The following ARID5B variants were observed in gnomAD, a reference collection of about 807,000 sequenced individuals.
ARID5B encodes the protein AT-rich interaction domain 5B, also known as AT-rich interactive domain-containing protein 5B.
In ARID5B, 13 loss-of-function variants were observed where a neutral mutation model predicts 97.2. The ratio of observed to expected loss-of-function variants is 0.13; its 90% confidence interval spans 0.09 to 0.21. The LOEUF (loss-of-function observed/expected upper bound fraction) is 0.21, where lower values mean the gene tolerates loss of function less well. Ranked by LOEUF, ARID5B falls within the 10% of genes least tolerant of loss-of-function variation. ARID5B has a pLI of 1.00. For synonymous variants in ARID5B, 556 were observed against 570.3 expected, an observed-to-expected ratio of 0.97 and a Z score of 0.36; for missense variants, 1,210 against 1,465.3, an observed-to-expected ratio of 0.83 and a Z score of 2.84.
At chr10:61,957,220 C>T (rs1838402737) in intron 3 of ARID5B, among the ~76,000 whole-genome samples, 1 of 152,120 alleles carries the variant, frequency 6.6e-6, no homozygotes, top group Non-Finnish European at 1.5e-5. Flanking sequence ...AAATAAAAAA[C>T]TGAAGCAGTA....
intron 3 of ARID5B, among the ~76,000 whole-genome samples, chr10:61,997,598 A>C (rs1403700561): frequency 6.6e-6 from 1 of 152,222 alleles, no homozygotes; most frequent in Non-Finnish European, 1.5e-5. Context: ...TGCACAACCA[A>C]GATAGAATTT....
chr10:62,072,516 A>C (rs1250097188), intron 8 of ARID5B, among the ~76,000 whole-genome samples: 1 of 152,236 alleles, frequency 6.6e-6, no homozygotes, highest in Non-Finnish European at 1.5e-5. Flanking sequence ...ACAATAGGCC[A>C]TCCGCCAAGT....
At chr10:62,085,279 G>A (rs749697888) in intron 8 of ARID5B, among the ~76,000 whole-genome samples, 20 of 152,234 alleles carry the variant, frequency 1.3e-4, no homozygotes, top group Non-Finnish European at 1.5e-5. Flanking sequence ...GGCTTTGAAT[G>A]TTTGGTTCAT....
chr10:62,036,892 C>T (rs1453416361), intron 4 of ARID5B, among the ~76,000 whole-genome samples: 2 of 152,266 alleles, frequency 1.3e-5, no homozygotes. Flanking sequence ...CGAGGTTTTC[C>T]TAAAGCTATG....
chr10:61,968,271 C>A (rs1838576297), intron 3 of ARID5B, among the ~76,000 whole-genome samples: 1 of 151,050 alleles, frequency 6.6e-6, no homozygotes, highest in African/African-American at 2.4e-5. Context: ...CTGACATTTT[C>A]TTTTCTATTA....
At chr10:62,088,624 A>C (rs945565151) in intron 9 of ARID5B, among the ~76,000 whole-genome samples, 14 of 152,128 alleles carry the variant, frequency 9.2e-5, no homozygotes, top group South Asian at 6.2e-4. Flanking sequence ...GGTTATCTAA[A>C]CCTCATGGAA....
At chr10:61,906,880 T>A (rs760976876) in intron 2 of ARID5B, among the ~76,000 whole-genome samples, 11 of 152,236 alleles carry the variant, frequency 7.2e-5, no homozygotes, top group Non-Finnish European at 2.9e-5. Flanking sequence ...GGAAATACGG[T>A]CCTTATTTCC....
intron 3 of ARID5B, among the ~76,000 whole-genome samples, chr10:61,967,671 T>C (rs189858043): frequency 8.9e-4 from 136 of 152,310 alleles, no homozygotes; most frequent in Non-Finnish European, 1.4e-3. Flanking sequence ...TGCCCAAACA[T>C]TCAATTTTTC....
At position 62,000,406 on chromosome 10, in the gene ARID5B, A is replaced by G. The variant is rs1839061100; in HGVS notation, c.733+85A>G. On this transcript the variant is annotated intron_variant, in intron 4 of 9. Transcript: ENST00000279873. This position sits in a 1 kb window ranked among gnomAD's most constrained non-coding sequence, Gnocchi z 4.4. ...GTTCTTCTGAAGAGCGGTGATGGGG[A>G]ACGGGGCTCACTTTCACAAGCCCCA... is the stretch of plus-strand genomic sequence containing the variant. The G allele has an allele frequency of 1.6e-6, 2 of 1,275,732 alleles. No individual in the cohort carries two copies. The highest frequency in any genetic ancestry group is 1.5e-5 in the African/African-American group (1 of 66,316). 79.0% of individuals were successfully genotyped at this position (1,275,732 alleles called of 1,614,324 possible).
Position 62,091,204 on chromosome 10 carries a change from T to C in ARID5B, c.1741T>C (p.Cys581Arg), listed in dbSNP as rs1158094414. ...CTCAAAACAAGAATCCAAACTGTGC[T>C]GTTTTACAGAGAGCCCTGAAAGTGA... The part of the protein sequence containing the change: ...VDSKQESKLC[C>R]FTESPESEPQ... The change falls in exon 10 of 10, where the codon TGT becomes CGT. Residue 581 changes from cysteine (C) to arginine (R), a missense_variant. By Grantham distance (180) the Cys-to-Arg change is radical. This residue lies in a region of ARID5B where 800 missense variants were observed against 839.1 expected (regional missense o/e 0.95). Coordinates refer to ENST00000279873, the MANE Select transcript of ARID5B (RefSeq NM_032199.3). 1 of 1,614,184 alleles carries C rather than the reference T, an allele frequency of 6.2e-7. No individual in the cohort carries two copies. The highest frequency in any genetic ancestry group is 1.1e-5 in the South Asian group (1 of 91,078).
intron 2 of ARID5B, among the ~76,000 whole-genome samples, chr10:61,930,669 G>A (rs1844190619): frequency 6.6e-6 from 1 of 151,558 alleles, no homozygotes; most frequent in Non-Finnish European, 1.5e-5. Context: ...GCAGTGAACC[G>A]AGATGGCACC....
chr10:62,093,286 G>A lies in ARID5B; in HGVS notation c.*256G>A, dbSNP rs1225393496. 1.2e-5 allele frequency: 5 copies of A among 408,760 alleles called. No homozygotes were observed. The highest frequency in any genetic ancestry group is 7.5e-5 in the East Asian group (2 of 26,580). The allele number at this position is 408,760 out of a possible 1,614,324, so 25.3% of individuals were successfully genotyped here. A position where few individuals can be genotyped will look rare whatever the true frequency, so the allele number is the denominator to read the frequency against. On this transcript the variant is annotated 3_prime_UTR_variant, in exon 10 of 10. Transcript: ENST00000279873. ...CAGGCACCTCCAGATCATTCACTTC[G>A]CACGTGGGCCTTGTGAAGGGATTTG...
chr10:62,010,059 G>C (rs1431954671), intron 4 of ARID5B, among the ~76,000 whole-genome samples: 1 of 152,202 alleles, frequency 6.6e-6, no homozygotes, highest in East Asian at 1.9e-4. Context: ...CCGAGGGAGT[G>C]AGTACTTGTG....
intron 4 of ARID5B, among the ~76,000 whole-genome samples, chr10:62,003,526 T>C (rs1179187482): frequency 1.3e-5 from 2 of 152,238 alleles, no homozygotes; most frequent in Non-Finnish European, 2.9e-5. Context: ...GGGTAATGGC[T>C]GCCTTCACCC....
intron 4 of ARID5B, among the ~76,000 whole-genome samples, chr10:62,024,065 A>G (rs1839388937): frequency 6.6e-6 from 1 of 152,228 alleles, no homozygotes; most frequent in Non-Finnish European, 1.5e-5. Context: ...CTCTCAGCAC[A>G]GAGTGCCTTA....
At chr10:61,980,740 A>G (rs555214150) in intron 3 of ARID5B, among the ~76,000 whole-genome samples, 5 of 152,346 alleles carry the variant, frequency 3.3e-5, no homozygotes, top group African/African-American at 1.2e-4. Context: ...TGAAGGAACT[A>G]GAATGGCAAA....
At chr10:61,903,504 G>C (rs1228272114) in intron 2 of ARID5B, among the ~76,000 whole-genome samples, 1 of 152,228 alleles carries the variant, frequency 6.6e-6, no homozygotes, top group Non-Finnish European at 1.5e-5. Context: ...CTGTGCCCAC[G>C]GCGCAGCGGG....
In ARID5B at chr10:62,095,680, T is replaced by C. The variant is rs888755377; in HGVS notation, c.*2650T>C. ...TGTTTTAAAACTCTGAACAGAGATCTTGGAAATCTTTCAAAAAGACCATTG... is the reference window on the plus strand; with the variant it reads ...TGTTTTAAAACTCTGAACAGAGATCCTGGAAATCTTTCAAAAAGACCATTG... On this transcript the variant is annotated 3_prime_UTR_variant, in exon 10 of 10. Transcript: ENST00000279873. 1.3e-5 allele frequency: 3 copies of C among 232,878 alleles called. No individual in the cohort carries two copies. The highest frequency in any genetic ancestry group is 6.6e-5 in the African/African-American group (3 of 45,324). The allele number at this position is 232,878 out of a possible 1,614,324, so 14.4% of individuals were successfully genotyped here. A position where few individuals can be genotyped will look rare whatever the true frequency, so the allele number is the denominator to read the frequency against.
At chr10:61,914,097 C>G (rs1293957126) in intron 2 of ARID5B, among the ~76,000 whole-genome samples, 1 of 152,152 alleles carries the variant, frequency 6.6e-6, no homozygotes, top group African/African-American at 2.4e-5. Flanking sequence ...TACACAGAAG[C>G]CAGGATTGAT....
Sources: gnomAD v4.1 joint callset for allele counts (sites outside exome capture counted in the v4.1 genomes callset) on GRCh38, gnomAD v4.1.1 for gene constraint, gnomAD v4.1.1 regional missense constraint, Gnocchi (gnomAD v3.1) non-coding constraint, MANE v1.5 for transcripts, NCBI Gene and HGNC (gene_info 2026-07-23, HGNC 2026-07-21) for gene names.